Variants in GRID2 observed in about 807,000 individuals in gnomAD.
GRID2 encodes the protein glutamate ionotropic receptor delta type subunit 2, also known as glutamate receptor ionotropic, delta-2.
A neutral mutation model predicts 114.8 loss-of-function variants in GRID2; 33 were observed. The ratio of observed to expected loss-of-function variants is 0.29; its 90% CI spans 0.22 to 0.38. The LOEUF is 0.38. Ranked by LOEUF, GRID2 falls within the 10% of genes least tolerant of loss-of-function variation. The pLI is 1.00. For missense variants in GRID2, 1,184 were observed against 1,257.7 expected, an observed-to-expected ratio of 0.94 and a Z score of 0.89; for synonymous variants, 505 against 449.9, an observed-to-expected ratio of 1.12 and a Z score of -1.55.
chr4:92,610,805 A>G (rs79204440), intron 2 of GRID2, among the ~76,000 whole-genome samples: 7,135 of 151,764 alleles, frequency 0.047, 208 homozygotes, highest in East Asian at 0.095. Flanking sequence ...ATTAAATGGA[A>G]TTAGATAATA....
intron 13 of GRID2, among the ~76,000 whole-genome samples, chr4:93,596,690 T>A (rs775171422): frequency 2.6e-5 from 4 of 152,252 alleles, no homozygotes; most frequent in Non-Finnish European, 4.4e-5. Flanking sequence ...TGTTTTGTGT[T>A]GTAGCATTAA....
chr4:92,536,860 G>C (rs1579538113), intron 1 of GRID2, among the ~76,000 whole-genome samples: 1 of 152,202 alleles, frequency 6.6e-6, no homozygotes, highest in South Asian at 2.1e-4. Flanking sequence ...TGAAAAAAAT[G>C]TTTCTTTTCT....
At chr4:93,351,219 C>T (rs17020483) in intron 8 of GRID2, among the ~76,000 whole-genome samples, 6,853 of 152,084 alleles carry the variant, frequency 0.045, 178 homozygotes, top group South Asian at 0.068. Context: ...CATGTTAATA[C>T]GTACAAGTAC....
At chr4:92,665,612 T>C (rs1732731949) in intron 2 of GRID2, among the ~76,000 whole-genome samples, 1 of 151,240 alleles carries the variant, frequency 6.6e-6, no homozygotes, top group African/African-American at 2.4e-5. Context: ...AGGGCCAATC[T>C]AGTGGTTATA....
chr4:93,798,882 C>T (rs117693215), intron 1 of GRID2, among the ~76,000 whole-genome samples: 1,707 of 152,224 alleles, frequency 0.011, 19 homozygotes, highest in Non-Finnish European at 0.016. Flanking sequence ...TTATGCAGCA[C>T]GCTAGGCTTA....
chr4:93,219,925 A>AGAGTAGGG (rs1391389677), intron 6 of GRID2, among the ~76,000 whole-genome samples: 1 of 152,126 alleles, frequency 6.6e-6, no homozygotes, highest in Non-Finnish European at 1.5e-5. Context: ...GGAGATAGCA[A>AGAGTAGGG]GAGTAGGGGC....
At chr4:93,439,872 G>C (rs1008637759) in intron 10 of GRID2, among the ~76,000 whole-genome samples, 2 of 152,000 alleles carry the variant, frequency 1.3e-5, no homozygotes, top group Non-Finnish European at 2.9e-5. Context: ...CCATAAAGTC[G>C]AGCCTATCTC....
At chr4:92,699,116 A>AAAAT (rs961306215) in intron 2 of GRID2, among the ~76,000 whole-genome samples, 1 of 152,112 alleles carries the variant, frequency 6.6e-6, no homozygotes, top group Admixed American at 6.5e-5. Flanking sequence ...GACATTCCAA[A>AAAAT]ATGTTCTATC....
At position 92,878,548 on chromosome 4, in the gene GRID2, T is replaced by A. The variant is rs1022662482; in HGVS notation, c.245-206447T>A. Reference sequence around the variant, plus strand: ...GTCTCTATTATTAAGAAGTTCAAGATGATTTTACTTCTGTAGGATATACCG... The same window carrying A: ...GTCTCTATTATTAAGAAGTTCAAGAAGATTTTACTTCTGTAGGATATACCG... On this transcript the variant is annotated intron_variant, in intron 2 of 15. Transcript: ENST00000282020. Among the ~76,000 whole-genome samples the A allele has an allele frequency of 3.9e-5, 6 of 152,162 alleles. No individual in the cohort carries two copies. In the East Asian group the frequency reaches 9.6e-4, roughly 24 times the overall value.
At chr4:93,104,237 T>C (rs1221134172) in intron 3 of GRID2, among the ~76,000 whole-genome samples, 2 of 152,212 alleles carry the variant, frequency 1.3e-5, no homozygotes, top group African/African-American at 4.8e-5. Context: ...CTATGTTAGT[T>C]TCTATTGCTG....
chr4:92,934,541 A>C lies in GRID2; in HGVS notation c.245-150454A>C, dbSNP rs1428064774. Among the ~76,000 whole-genome samples, 6 of 146,300 alleles carry C rather than the reference A, an allele frequency of 4.1e-5. 2 individuals are homozygous for C. The highest frequency in any genetic ancestry group is 9.1e-5 in the Non-Finnish European group (6 of 66,128). ...TCACAGAATTGGAAAAAACTACTTTAAAGTTCATATGGAACCAAAAAAGAG... is the reference window on the plus strand; with the variant it reads ...TCACAGAATTGGAAAAAACTACTTTCAAGTTCATATGGAACCAAAAAAGAG... On this transcript the variant is annotated intron_variant, in intron 2 of 15. Transcript: ENST00000282020.
At chr4:93,115,543 T>C (rs556590470) in intron 4 of GRID2, among the ~76,000 whole-genome samples, 1 of 152,242 alleles carries the variant, frequency 6.6e-6, no homozygotes, top group South Asian at 2.1e-4. Flanking sequence ...CCTAATAATA[T>C]CTAATGGTTA....
At chr4:93,143,628 A>T (rs1735950172) in intron 4 of GRID2, among the ~76,000 whole-genome samples, 1 of 152,176 alleles carries the variant, frequency 6.6e-6, no homozygotes, top group Admixed American at 6.5e-5. Context: ...AGTATATCTA[A>T]CTTCTTAATT....
At chr4:93,000,703 A>G (rs1720871890) in intron 2 of GRID2, among the ~76,000 whole-genome samples, 2 of 151,338 alleles carry the variant, frequency 1.3e-5, no homozygotes, top group Admixed American at 1.3e-4. Flanking sequence ...TTGTTAAACC[A>G]TAATAAGTAT....
At chr4:93,020,015 G>A (rs1723132848) in intron 2 of GRID2, among the ~76,000 whole-genome samples, 1 of 152,118 alleles carries the variant, frequency 6.6e-6, no homozygotes, top group African/African-American at 2.4e-5. Flanking sequence ...TTAATTCTGT[G>A]ACACTGGACA....
chr4:93,061,448 A>G (rs1388437335), intron 2 of GRID2, among the ~76,000 whole-genome samples: 1 of 152,050 alleles, frequency 6.6e-6, no homozygotes, highest in Non-Finnish European at 1.5e-5. Context: ...ATAGTAAGTC[A>G]TATGGCCAAG....
At chr4:92,599,686 A>G (rs1009120908) in intron 2 of GRID2, among the ~76,000 whole-genome samples, 2 of 152,134 alleles carry the variant, frequency 1.3e-5, no homozygotes, top group African/African-American at 4.8e-5. Context: ...TTCTTAAGCT[A>G]TATTTCAAAC....
intron 4 of GRID2, among the ~76,000 whole-genome samples, chr4:93,176,833 A>C (rs1579200862): frequency 6.6e-6 from 1 of 152,158 alleles, no homozygotes; most frequent in Admixed American, 6.5e-5. Context: ...TGAAGTGGGA[A>C]TATCTCATGT....
chr4:92,749,560 G>A (rs13144638), intron 2 of GRID2, among the ~76,000 whole-genome samples: 32,885 of 151,810 alleles, frequency 0.22, 4,572 homozygotes, highest in African/African-American at 0.4. Flanking sequence ...TGATCCGCCC[G>A]CCTCGGCCTC....
Sources: gnomAD v4.1 joint callset for allele counts (sites outside exome capture counted in the v4.1 genomes callset) on GRCh38, gnomAD v4.1.1 for gene constraint, MANE v1.5 for transcripts, NCBI Gene and HGNC (gene_info 2026-07-23, HGNC 2026-07-21) for gene names.